Variants in CHRM3 observed in about 807,000 individuals in gnomAD.
The protein encoded by CHRM3 is cholinergic receptor muscarinic 3.
CHRM3 carries 11 observed loss-of-function variants against 41.8 expected under a neutral mutation model. The observed-to-expected ratio is 0.26, with a 90% CI of 0.17 to 0.44. The LOEUF (loss-of-function observed/expected upper bound fraction) is 0.44. Among genes scored for constraint, CHRM3 ranks in the 20% least tolerant of loss-of-function variants. The probability of loss-of-function intolerance (pLI) is 1.00; values close to 1 mark genes in which losing one functional copy is unlikely to be tolerated. For synonymous variants in CHRM3, 297 were observed against 301.4 expected, an observed-to-expected ratio of 0.99 and a Z score of 0.15; for missense variants, 571 against 745.4, an observed-to-expected ratio of 0.77 and a Z score of 2.72.
At chr1:239,539,678 G>A (rs1000525442) in intron 2 of CHRM3, among the ~76,000 whole-genome samples, 1 of 152,116 alleles carries the variant, frequency 6.6e-6, no homozygotes. Flanking sequence ...TGTCTAGGCT[G>A]GAGTGCAGGG....
At chr1:239,641,074 T>C (rs1210884806) in intron 4 of CHRM3, among the ~76,000 whole-genome samples, 2 of 152,318 alleles carry the variant, frequency 1.3e-5, no homozygotes, top group East Asian at 3.9e-4. Flanking sequence ...GGTGAGCGGT[T>C]TTGCGTGAGT....
At chr1:239,610,146 T>C (rs1194236051) in intron 3 of CHRM3, among the ~76,000 whole-genome samples, 1 of 118,888 alleles carries the variant, frequency 8.4e-6, no homozygotes, top group East Asian at 2.8e-4. Flanking sequence ...TGAGTGGAGA[T>C]CACGCCACTG....
At chr1:239,774,430 G>A (rs538326005) in intron 5 of CHRM3, among the ~76,000 whole-genome samples, 2 of 152,148 alleles carry the variant, frequency 1.3e-5, no homozygotes, top group Non-Finnish European at 2.9e-5. Context: ...AAGCCAATTA[G>A]TCTTTCAATG....
intron 5 of CHRM3, among the ~76,000 whole-genome samples, chr1:239,800,289 TTCCA>T (rs1173011810): frequency 6.6e-6 from 1 of 152,148 alleles, no homozygotes; most frequent in African/African-American, 2.4e-5. Context: ...CTGGTTCTGG[TTCCA>T]TGGAGCCAGG....
intron 1 of CHRM3, among the ~76,000 whole-genome samples, chr1:239,389,587 C>A (rs1342655181): frequency 6.6e-6 from 1 of 152,034 alleles, no homozygotes; most frequent in African/African-American, 2.4e-5. Context: ...TGAAAGAGGG[C>A]ATGGAAAAAA....
At chr1:239,727,093 A>G (rs920809723) in intron 5 of CHRM3, among the ~76,000 whole-genome samples, 2 of 151,906 alleles carry the variant, frequency 1.3e-5, no homozygotes, top group Non-Finnish European at 2.9e-5. Context: ...TATCCCATAC[A>G]GTTATTGTGA....
Position 239,446,406 on chromosome 1 carries a change from A to G in CHRM3, c.-520-46303A>G, listed in dbSNP as rs1664158967. Among the ~76,000 whole-genome samples the G allele has an allele frequency of 2.6e-5, 4 of 152,372 alleles. No homozygotes were observed. In the South Asian group the frequency reaches 8.3e-4, roughly 32 times the overall value. On this transcript the variant is annotated intron_variant, in intron 1 of 6. Transcript: ENST00000676153. ...AAACATATACTAAAGTTTTTAGTAG[A>G]TAATGCTGTCATTTAATCTGCTAAG...
intron 1 of CHRM3, among the ~76,000 whole-genome samples, chr1:239,405,788 G>T (rs752342017): frequency 1.3e-5 from 2 of 152,108 alleles, no homozygotes; most frequent in Non-Finnish European, 2.9e-5. Flanking sequence ...TTGCTGTTAT[G>T]TTCCGTGGAC....
intron 5 of CHRM3, among the ~76,000 whole-genome samples, chr1:239,740,885 G>T (rs556924171): frequency 3.6e-4 from 55 of 152,300 alleles, no homozygotes; most frequent in African/African-American, 1.3e-3. Context: ...TTATAAACAT[G>T]CACTGAGGTG....
intron 6 of CHRM3, among the ~76,000 whole-genome samples, chr1:239,905,127 C>T (rs1316946377): frequency 6.6e-6 from 1 of 152,152 alleles, no homozygotes; most frequent in Non-Finnish European, 1.5e-5. Context: ...GCCATTGTTT[C>T]AGGTGATAAA....
At chr1:239,894,859 C>G (rs1269991696) in intron 6 of CHRM3, among the ~76,000 whole-genome samples, 3 of 152,120 alleles carry the variant, frequency 2.0e-5, no homozygotes, top group African/African-American at 7.2e-5. Flanking sequence ...CACAGAGGAT[C>G]CCAGAGATGT....
chr1:239,419,826 AG>A, intron 1 of CHRM3, among the ~76,000 whole-genome samples: 1 of 152,312 alleles, frequency 6.6e-6, no homozygotes, highest in East Asian at 1.9e-4. Flanking sequence ...GAGCTTCTCG[AG>A]GGAACCATCA....
intron 2 of CHRM3, among the ~76,000 whole-genome samples, chr1:239,498,176 CT>C (rs1267029493): frequency 6.6e-6 from 1 of 152,078 alleles, no homozygotes; most frequent in Non-Finnish European, 1.5e-5. Flanking sequence ...CTTTATTCAA[CT>C]TTTTGTTTAT....
chr1:239,614,954 C>T (rs1165821929), intron 3 of CHRM3, among the ~76,000 whole-genome samples: 1 of 152,000 alleles, frequency 6.6e-6, no homozygotes, highest in African/African-American at 2.4e-5. Flanking sequence ...ATTTTATACA[C>T]AGTAGGATTG....
chr1:239,676,243 T>C (rs1248171388), intron 4 of CHRM3, among the ~76,000 whole-genome samples: 2 of 152,148 alleles, frequency 1.3e-5, no homozygotes, highest in African/African-American at 4.8e-5. Context: ...TAGATAACAA[T>C]TAAGTCTGCA....
chr1:239,731,970 A>T (rs963745667), intron 5 of CHRM3, among the ~76,000 whole-genome samples: 6 of 152,012 alleles, frequency 3.9e-5, no homozygotes, highest in Non-Finnish European at 1.5e-5. Context: ...AATGTAAACA[A>T]TTAGGTCCAA....
Position 239,908,516 on chromosome 1 carries a change from G to T in CHRM3, c.1065G>T (p.Glu355Asp). The change falls in exon 7 of 7, where the codon GAG becomes GAT. Residue 355 changes from glutamate (E) to aspartate (D), a missense_variant. Coordinates refer to ENST00000676153, the MANE Select transcript of CHRM3 (RefSeq NM_001375978.1). This position sits in a 1 kb window ranked among gnomAD's most constrained non-coding sequence, Gnocchi z 7.2. The part of the protein sequence containing the change: ...SLENSASSDE[E>D]DIGSETRAIY... The stretch of plus-strand genomic sequence containing the variant: ...AGAACTCCGCCTCCTCCGACGAGGA[G>T]GACATTGGCTCCGAGACGAGAGCCA... 1 of 1,597,382 alleles carries T rather than the reference G, an allele frequency of 6.3e-7. No individual in the cohort carries two copies. Among genetic ancestry groups the T allele is most frequent in the South Asian group, 1.1e-5 (1 of 88,850 alleles).
At chr1:239,558,789 T>C (rs922520227) in intron 3 of CHRM3, among the ~76,000 whole-genome samples, 3 of 152,222 alleles carry the variant, frequency 2.0e-5, no homozygotes, top group African/African-American at 2.4e-5. Context: ...GTAAGAATTA[T>C]GAGTCACCTG....
intron 5 of CHRM3, among the ~76,000 whole-genome samples, chr1:239,820,939 C>T (rs1398472045): frequency 6.6e-6 from 1 of 152,154 alleles, no homozygotes; most frequent in South Asian, 2.1e-4. Context: ...GGGGCTCACA[C>T]AATATGGGCA....
Sources: allele counts gnomAD v4.1 joint callset (sites outside exome capture counted in the v4.1 genomes callset), GRCh38; gene constraint gnomAD v4.1.1; non-coding constraint Gnocchi (gnomAD v3.1); transcripts MANE v1.5; gene names NCBI Gene and HGNC (gene_info 2026-07-23, HGNC 2026-07-21).